MAPK14: variants seen among roughly 807,000 people sequenced by gnomAD.
MAPK14 encodes CSAID-binding protein.
In MAPK14, 16 loss-of-function variants were observed where a neutral mutation model predicts 49.6. The ratio of observed to expected loss-of-function variants is 0.32; its 90% confidence interval spans 0.22 to 0.49. The LOEUF is 0.49. Among genes scored for constraint, MAPK14 ranks in the 20% least tolerant of loss-of-function variants. The probability of loss-of-function intolerance (pLI) is 0.99; values close to 1 mark genes in which losing one functional copy is unlikely to be tolerated. For synonymous variants in MAPK14, 142 were observed against 158.0 expected, an observed-to-expected ratio of 0.90 and a Z score of 0.76; for missense variants, 200 against 441.2, an observed-to-expected ratio of 0.45 and a Z score of 4.90.
chr6:36,088,708 C>T (rs142199919), intron 8 of MAPK14, among the ~76,000 whole-genome samples: 9,310 of 146,268 alleles, frequency 0.064, 403 homozygotes, highest in Non-Finnish European at 0.092. Context: ...GGCGACAGAG[C>T]GAGACTCCGT....
At chr6:36,036,322 C>T (rs753902170) in intron 1 of MAPK14, among the ~76,000 whole-genome samples, 173 of 150,546 alleles carry the variant, frequency 1.1e-3, no homozygotes, top group Non-Finnish European at 2.2e-3. Context: ...AAAGTAGTTT[C>T]TTGAGGTGGA....
At chr6:36,035,781 T>TA (rs1762724599) in intron 1 of MAPK14, among the ~76,000 whole-genome samples, 2 of 152,348 alleles carry the variant, frequency 1.3e-5, no homozygotes, top group South Asian at 4.1e-4. Flanking sequence ...AACATGCCCT[T>TA]AAGTCAAAGC....
intron 8 of MAPK14, among the ~76,000 whole-genome samples, chr6:36,091,601 A>G (rs915903165): frequency 3.3e-5 from 5 of 152,182 alleles, no homozygotes; most frequent in Admixed American, 6.5e-5. Context: ...GTGGCCTTAT[A>G]GTAGCTGGTA....
chr6:36,060,553 A>T (rs1763777517), intron 3 of MAPK14, among the ~76,000 whole-genome samples: 2 of 152,152 alleles, frequency 1.3e-5, no homozygotes, highest in South Asian at 2.1e-4. Flanking sequence ...CTCTTCCTTA[A>T]CCTCCATTCC....
chr6:36,093,676 G>A (rs933640448), intron 8 of MAPK14, among the ~76,000 whole-genome samples: 1 of 138,368 alleles, frequency 7.2e-6, no homozygotes, highest in Non-Finnish European at 1.5e-5. Context: ...CCGAGATCGC[G>A]CCACTGCACC....
rs549110806 is a variant in MAPK14 at position 36,063,843 on chromosome 6, G to T, written c.305+4496G>T. Among the ~76,000 whole-genome samples the T allele has an allele frequency of 1.8e-4, 28 of 152,240 alleles. No homozygotes were observed. In the East Asian group the frequency reaches 4.8e-3, roughly 26 times the overall value. On this transcript the variant is annotated intron_variant, in intron 3 of 11. Transcript: ENST00000229794. ...GTGGTTGTACAGATGGCAAAATTTT[G>T]TAAAGATACAGTACATCTAGATCTC...
chr6:36,096,134 A>C lies in MAPK14; in HGVS notation c.762+68A>C, dbSNP rs1252172117. ...TGCCACTTGCCTTCTACCAATCTGT[A>C]CTTTGACCTGGGTGTGTTTGTAAGC... On this transcript the variant is annotated intron_variant, in intron 9 of 11. Transcript: ENST00000229794. 2.7e-6 allele frequency: 3 copies of C among 1,094,314 alleles called. No individual in the cohort carries two copies. The East Asian group carries it at 7.1e-5, about 26-fold the overall frequency. 67.8% of individuals were successfully genotyped at this position (1,094,314 alleles called of 1,614,324 possible). A position where few individuals can be genotyped will look rare whatever the true frequency, so the allele number is the denominator to read the frequency against.
intron 3 of MAPK14, among the ~76,000 whole-genome samples, chr6:36,059,859 T>A (rs1581766867): frequency 6.6e-6 from 1 of 152,116 alleles, no homozygotes; most frequent in Non-Finnish European, 1.5e-5. Context: ...ATGTAACGGA[T>A]CCCCAGCCAT....
At chr6:36,093,519 A>G (rs1765324223) in intron 8 of MAPK14, among the ~76,000 whole-genome samples, 1 of 152,084 alleles carries the variant, frequency 6.6e-6, no homozygotes, top group Non-Finnish European at 1.5e-5. Context: ...GGAGATTGAG[A>G]CCATTCTGGC....
Position 36,038,742 on chromosome 6 carries a change from C to T in MAPK14, c.116+10469C>T, listed in dbSNP as rs1433584461. ...AAATTTAGGGTATTCCAGTCCAGCT[C>T]TTTAAATAACATGGGCTGACTTTAC... On this transcript the variant is annotated intron_variant, in intron 1 of 11. Coordinates refer to ENST00000229794, the MANE Select transcript of MAPK14 (RefSeq NM_139012.3). 3.9e-5 allele frequency among the ~76,000 whole-genome samples: 6 copies of T among 151,976 alleles called. No individual in the cohort carries two copies. The East Asian group carries it at 7.7e-4, about 20-fold the overall frequency.
chr6:36,068,002 A>G (rs1373426086), intron 3 of MAPK14, among the ~76,000 whole-genome samples: 2 of 152,216 alleles, frequency 1.3e-5, no homozygotes, highest in African/African-American at 4.8e-5. Flanking sequence ...TTAGCAGACA[A>G]TAATGCTATA....
intron 8 of MAPK14, among the ~76,000 whole-genome samples, chr6:36,087,152 A>G (rs1029422287): frequency 7.9e-5 from 12 of 152,098 alleles, no homozygotes; most frequent in Admixed American, 7.2e-4. Flanking sequence ...ACCTCAAAAT[A>G]AGCCATGTAA....
intron 2 of MAPK14, among the ~76,000 whole-genome samples, chr6:36,058,235 T>C (rs1393450922): frequency 6.6e-6 from 1 of 152,208 alleles, no homozygotes; most frequent in East Asian, 1.9e-4. Context: ...ACTTTAAAAA[T>C]GTCAGTTTTG....
rs116839833 is a variant in MAPK14, at chr6:36,039,519, G to T, written c.116+11246G>T. Among the ~76,000 whole-genome samples the T allele has an allele frequency of 3.9e-3, 597 of 152,200 alleles. 4 individuals are homozygous for T. The highest frequency in any genetic ancestry group is 0.014 in the African/African-American group (562 of 41,526). On this transcript the variant is annotated intron_variant, in intron 1 of 11. Coordinates refer to ENST00000229794, the MANE Select transcript of MAPK14 (RefSeq NM_139012.3). ...TGTCTTACTGTCATTCTACTCAAAA[G>T]TGTGTATTGATTGCATTTTCAAACT... is the stretch of plus-strand genomic sequence containing the variant.
At chr6:36,071,283 A>G (rs1764263239) in intron 3 of MAPK14, among the ~76,000 whole-genome samples, 1 of 151,586 alleles carries the variant, frequency 6.6e-6, no homozygotes, top group Non-Finnish European at 1.5e-5. Flanking sequence ...CAGTGAGCCG[A>G]GCTTGTGCCA....
chr6:36,094,088 A>G (rs1389799474), intron 8 of MAPK14, among the ~76,000 whole-genome samples: 4 of 152,216 alleles, frequency 2.6e-5, no homozygotes, highest in Non-Finnish European at 2.9e-5. Context: ...ACTCTGTCCC[A>G]TGAACATATG....
chr6:36,103,558 G>A (rs1765707045), intron 10 of MAPK14, among the ~76,000 whole-genome samples: 1 of 151,996 alleles, frequency 6.6e-6, no homozygotes, highest in Non-Finnish European at 1.5e-5. Context: ...TACTAATCGT[G>A]GACTCCTGGA....
At chr6:36,113,343 T>TAA (rs35876911), downstream of MAPK14, among the ~76,000 whole-genome samples, 3,704 of 71,636 alleles carry the variant, frequency 0.052, 144 homozygotes, top group African/African-American at 0.057. Flanking sequence ...CCCTGTCTCA[T>TAA]AAAAAAAAAA....
intron 9 of MAPK14, among the ~76,000 whole-genome samples, chr6:36,100,571 C>T (rs1292284556): frequency 1.3e-5 from 2 of 152,104 alleles, no homozygotes; most frequent in Admixed American, 6.5e-5. Context: ...GTGCTACTAT[C>T]GTGACCTTTA....
Sources: allele counts gnomAD v4.1 joint callset (sites outside exome capture counted in the v4.1 genomes callset), GRCh38; gene constraint gnomAD v4.1.1; transcripts MANE v1.5; gene names NCBI Gene and HGNC (gene_info 2026-07-23, HGNC 2026-07-21).